Variants in HDAC1 observed in about 807,000 individuals in gnomAD.
The protein encoded by HDAC1 is protein deacetylase HDAC1.
A neutral mutation model predicts 65.5 loss-of-function variants in HDAC1; 18 were observed. That is an observed-to-expected ratio of 0.27 (90% CI 0.19 to 0.41). The LOEUF (loss-of-function observed/expected upper bound fraction) is 0.41, where lower values mean the gene tolerates loss of function less well. HDAC1 is among the 10% of genes least tolerant of loss of function. The pLI is 1.00. For synonymous variants in HDAC1, 211 were observed against 227.9 expected, an observed-to-expected ratio of 0.93 and a Z score of 0.67; for missense variants, 373 against 625.2, an observed-to-expected ratio of 0.60 and a Z score of 4.30.
rs576621636 is a variant in HDAC1 at position 32,293,311 on chromosome 1, G to A, written c.49+1093G>A. ...ACTCCAGCTTGGACAACAGAGCGAG[G>A]CTCTGTCTTAAAAAAAAAAAAAAAA... is the stretch of plus-strand genomic sequence containing the variant. On this transcript the variant is annotated intron_variant, in intron 1 of 13. Transcript: ENST00000373548. Among the ~76,000 whole-genome samples, 101 of 146,950 alleles carry A rather than the reference G, an allele frequency of 6.9e-4. 2 individuals carry two copies. The East Asian group carries it at 0.017, about 25-fold the overall frequency.
intron 3 of HDAC1, among the ~76,000 whole-genome samples, chr1:32,321,978 A>G (rs1641152501): frequency 6.6e-6 from 1 of 152,148 alleles, no homozygotes; most frequent in Non-Finnish European, 1.5e-5. Flanking sequence ...ACACTCCCTC[A>G]TGCAGCCATG....
chr1:32,292,271 C>T (rs1339525706), intron 1 of HDAC1, 53 bp downstream of exon 1: 4 of 1,545,184 alleles, frequency 2.6e-6, no homozygotes, highest in Non-Finnish European at 3.5e-6. Context: ...GGACCGGGAA[C>T]CTGGAGGCTG....
In HDAC1 at chr1:32,316,748, T is replaced by C; in HGVS notation, c.246T>C (p.Asp82=). ...AATTCTTGCGCTCCATCCGTCCAGA[T>C]AACATGTCGGAGTACAGCAAGCAGA... ...YIKFLRSIRP[D]NMSEYSKQMQ... is the part of the protein sequence containing the mutation. Residue 82 remains aspartate, a synonymous_variant, in exon 3 of 14, where the codon GAT becomes GAC. Coordinates refer to ENST00000373548, the MANE Select transcript of HDAC1 (RefSeq NM_004964.3). The C allele has an allele frequency of 6.2e-7, 1 of 1,613,198 alleles. No individual in the cohort carries two copies. Among genetic ancestry groups the C allele is most frequent in the Non-Finnish European group, 8.5e-7 (1 of 1,179,134 alleles).
chr1:32,294,394 C>T (rs1026110041), intron 1 of HDAC1, among the ~76,000 whole-genome samples: 1 of 152,134 alleles, frequency 6.6e-6, no homozygotes. Flanking sequence ...GCTCCATCTG[C>T]CTCAGCCTCC....
At chr1:32,323,477 A>G (rs775629829) in intron 3 of HDAC1, among the ~76,000 whole-genome samples, 3 of 152,002 alleles carry the variant, frequency 2.0e-5, no homozygotes, top group Non-Finnish European at 2.9e-5. Context: ...AGCTCACTGC[A>G]ACCTCTGCCT....
In HDAC1 at chr1:32,329,192, A is replaced by G. The variant is rs1429398034; in HGVS notation, c.729+32A>G. On this transcript the variant is annotated intron_variant, in intron 7 of 13. Transcript: ENST00000373548. The surrounding 1 kb of genome is among the most constrained non-coding windows in gnomAD (Gnocchi z 4.1). ...GGCTTTATCCACCCCTTGGGCTACA[A>G]ACAGGGGATTGGTTGGCGGTGGAGG... 1 of 1,325,664 alleles carries G rather than the reference A, an allele frequency of 7.5e-7. No individual in the cohort carries two copies. Among genetic ancestry groups the G allele is most frequent in the African/African-American group, 1.4e-5 (1 of 69,394 alleles). The allele number at this position is 1,325,664 out of a possible 1,614,324, so 82.1% of individuals were successfully genotyped here.
intron 3 of HDAC1, among the ~76,000 whole-genome samples, chr1:32,321,613 CAT>C (rs1352542579): frequency 2.6e-5 from 4 of 152,180 alleles, no homozygotes; most frequent in Non-Finnish European, 4.4e-5. Flanking sequence ...GATTAGCTCA[CAT>C]GAGTATCTGC....
intron 3 of HDAC1, among the ~76,000 whole-genome samples, chr1:32,320,899 C>CAAAAAA (rs1160071616): frequency 7.7e-4 from 18 of 23,344 alleles, no homozygotes; most frequent in South Asian, 2.9e-3. Flanking sequence ...GACTCCATCT[C>CAAAAAA]AAAAAAAAAA....
chr1:32,328,709 C>T (rs1641251963), intron 6 of HDAC1, among the ~76,000 whole-genome samples: 1 of 152,184 alleles, frequency 6.6e-6, no homozygotes, highest in Admixed American at 6.5e-5. Flanking sequence ...TTAGAGCTCT[C>T]TGGAGTGGAA....
At position 32,330,753 on chromosome 1, in the gene HDAC1, C is replaced by T; in HGVS notation, c.839-15C>T. 2 of 1,614,142 alleles carry T rather than the reference C, an allele frequency of 1.2e-6. No individual in the cohort carries two copies. Among genetic ancestry groups the T allele is most frequent in the Non-Finnish European group, 1.7e-6 (2 of 1,180,008 alleles). On this transcript the variant is annotated splice_polypyrimidine_tract_variant and intron_variant, in intron 8 of 13. Transcript: ENST00000373548. This position sits in a 1 kb window ranked among gnomAD's most constrained non-coding sequence, Gnocchi z 4.2. Reference sequence around the variant, plus strand: ...TTGGTGCTCCTGTAACTCAGCACCCCTTCTCCCACCAAAGGACACGCCAAG... The same window carrying T: ...TTGGTGCTCCTGTAACTCAGCACCCTTTCTCCCACCAAAGGACACGCCAAG...
chr1:32,312,022 C>G (rs1251051729), intron 2 of HDAC1, among the ~76,000 whole-genome samples: 1 of 152,064 alleles, frequency 6.6e-6, no homozygotes, highest in African/African-American at 2.4e-5. Flanking sequence ...TTTGGTTTGC[C>G]TTTTTAGAAA....
chr1:32,331,802 C>G lies in HDAC1; in HGVS notation c.1215C>G (p.Ile405Met). ...ACGAAGACGACCCTGACAAGCGCAT[C>G]TCGAGTGAGACCCAGACCTAGAGCC... ...DEDEDDPDKR[I>M]SICSSDKRIA... The change falls in exon 11 of 14, where the codon ATC (isoleucine) becomes ATG (methionine). Residue 405 changes from isoleucine to methionine, a missense_variant. Around this residue, in one of 4 missense-constraint regions of HDAC1, gnomAD observed 126 missense variants for 126.2 expected, o/e 1.00. Coordinates refer to ENST00000373548, the MANE Select transcript of HDAC1 (RefSeq NM_004964.3). The surrounding 1 kb of genome is among the most constrained non-coding windows in gnomAD (Gnocchi z 4.2). 1 of 1,609,932 alleles carries G rather than the reference C, an allele frequency of 6.2e-7. No individual in the cohort carries two copies. Among genetic ancestry groups the G allele is most frequent in the Non-Finnish European group, 8.5e-7 (1 of 1,177,854 alleles).
intron 1 of HDAC1, among the ~76,000 whole-genome samples, chr1:32,295,467 A>T (rs920024219): frequency 2.0e-5 from 3 of 152,098 alleles, no homozygotes; most frequent in African/African-American, 7.2e-5. Flanking sequence ...AAGGCTAGAA[A>T]GTCCAAGATC....
intron 12 of HDAC1, 76 bp downstream of exon 12, chr1:32,332,318 G>A (rs1025670892): frequency 2.4e-5 from 34 of 1,395,052 alleles, no homozygotes; most frequent in Non-Finnish European, 3.2e-5. Flanking sequence ...GGAGGAGGGA[G>A]TGACTCAGGC....
At chr1:32,292,244 C>T (rs1265791263) in intron 1 of HDAC1, 26 bp downstream of exon 1, 10 of 1,547,056 alleles carry the variant, frequency 6.5e-6, no homozygotes, top group Non-Finnish European at 8.7e-6. Flanking sequence ...GCGGCGGGGG[C>T]GGGGCCAGGC....
intron 1 of HDAC1, among the ~76,000 whole-genome samples, chr1:32,299,643 T>C (rs577838940): frequency 1.1e-4 from 17 of 152,268 alleles, no homozygotes; most frequent in Non-Finnish European, 2.1e-4. Flanking sequence ...AATAAATCTC[T>C]AAGGAGAGAT....
intron 2 of HDAC1, among the ~76,000 whole-genome samples, chr1:32,304,159 G>C (rs2148059002): frequency 6.6e-6 from 1 of 152,272 alleles, no homozygotes; most frequent in Admixed American, 6.5e-5. Flanking sequence ...GTTAAAGTCT[G>C]TTTCTACAGC....
intron 1 of HDAC1, among the ~76,000 whole-genome samples, chr1:32,293,164 T>C (rs1030400840): frequency 9.9e-5 from 15 of 151,088 alleles, no homozygotes; most frequent in Admixed American, 9.2e-4. Context: ...CTACTAAAAA[T>C]ACAAAATTAG....
At chr1:32,299,213 C>T (rs1640812916) in intron 1 of HDAC1, among the ~76,000 whole-genome samples, 1 of 152,026 alleles carries the variant, frequency 6.6e-6, no homozygotes, top group African/African-American at 2.4e-5. Context: ...GTGTGCTCCC[C>T]TGTCATAGCA....
Sources: gnomAD v4.1 joint callset for allele counts (sites outside exome capture counted in the v4.1 genomes callset) on GRCh38, gnomAD v4.1.1 for gene constraint, gnomAD v4.1.1 regional missense constraint, Gnocchi (gnomAD v3.1) non-coding constraint, MANE v1.5 for transcripts, NCBI Gene and HGNC (gene_info 2026-07-23, HGNC 2026-07-21) for gene names.